ATR: variants seen among roughly 807,000 people sequenced by gnomAD.
ATR encodes ATR checkpoint kinase.
A neutral mutation model predicts 305.3 loss-of-function variants in ATR; 142 were observed. That is an observed-to-expected ratio of 0.47 (90% CI 0.41 to 0.53). ATR has a LOEUF of 0.53. Among genes scored for constraint, ATR ranks in the 20% least tolerant of loss-of-function variants. The pLI is 0.00. For synonymous variants in ATR, 1,050 were observed against 1,068.1 expected (o/e 0.98, Z 0.33); for missense variants, 2,135 against 3,133.1 (o/e 0.68, Z 7.60).
At chr3:142,452,650 G>C (rs947230527) in intron 46 of ATR, 1 of 980,136 alleles carries the variant, frequency 1.0e-6, no homozygotes, top group African/African-American at 1.8e-5. Context: ...CTCCAGCCTG[G>C]ATGACAGAGC....
Position 142,512,273 on chromosome 3 carries a change from C to T in ATR, c.4839G>A (p.Lys1613=). ...KCPHSKSNRN[K]VDSMVSTVDY... is the part of the protein sequence containing the mutation. ...GTGATAACTCACCCATTGAGTCTAC[C>T]TTATTTCTGTTTGATTTGCTGTGTG... is the stretch of plus-strand genomic sequence containing the variant. Residue 1613 remains lysine (K), a synonymous_variant, in exon 27 of 47, where the codon AAG becomes AAA. Coordinates refer to ENST00000350721, the MANE Select transcript of ATR (RefSeq NM_001184.4). 2.5e-6 allele frequency: 4 copies of T among 1,606,966 alleles called. No individual in the cohort carries two copies. Among genetic ancestry groups the T allele is most frequent in the Non-Finnish European group, 3.4e-6 (4 of 1,176,094 alleles).
In ATR at chr3:142,496,407, C is replaced by G. The variant is rs745882886; in HGVS notation, c.5852G>C (p.Arg1951Pro). 8.1e-6 allele frequency: 13 copies of G among 1,600,624 alleles called. No individual in the cohort carries two copies. In the African/African-American group the frequency reaches 1.5e-4, roughly 19 times the overall value. Residue 1951 changes from arginine (R) to proline (P), a missense_variant, in exon 34 of 47, where the codon CGA becomes CCA. By Grantham distance (103) the Arg-to-Pro change is moderately radical. This residue lies in a region of ATR where 462 missense variants were observed against 887.6 expected (regional missense o/e 0.52). Coordinates refer to ENST00000350721, the MANE Select transcript of ATR (RefSeq NM_001184.4). ...CCTTTCCACGTACAGTTCAGCGAGT[C>G]GTGATTCCCCTGCATTAAGGAGAGC... ...YNALLNAGES[R>P]LAELYVERAK...
intron 46 of ATR, chr3:142,450,506 G>T: frequency 1.2e-6 from 2 of 1,604,342 alleles, no homozygotes; most frequent in Non-Finnish European, 1.7e-6. Context: ...CAGGATCCTT[G>T]TGAGGCTATT....
rs368150351 is a variant in ATR, at chr3:142,568,613, C to T, written c.60-459G>A. Reference sequence around the variant, plus strand: ...CCTTCCGAGTTGCAGGGTCGGGAGCCCAGCCATCCTGGGTGCAGCTGCAGC... The same window carrying T: ...CCTTCCGAGTTGCAGGGTCGGGAGCTCAGCCATCCTGGGTGCAGCTGCAGC... On this transcript the variant is annotated intron_variant, in intron 1 of 46. Transcript: ENST00000350721. Among the ~76,000 whole-genome samples the T allele has an allele frequency of 4.6e-5, 7 of 152,316 alleles. No homozygotes were observed. In the South Asian group the frequency reaches 1.4e-3, roughly 32 times the overall value.
intron 36 of ATR, among the ~76,000 whole-genome samples, chr3:142,471,739 T>C (rs937761150): frequency 4.6e-5 from 7 of 152,206 alleles, no homozygotes; most frequent in African/African-American, 1.4e-4. Context: ...CATATTTATT[T>C]TGTTGTGGAA....
intron 24 of ATR, 94 bp from the exon 25 acceptor site, chr3:142,515,609 A>G (rs539998929): frequency 4.4e-6 from 6 of 1,349,434 alleles, no homozygotes; most frequent in African/African-American, 2.9e-5. Flanking sequence ...CTACCTCAGT[A>G]CTGCCTTGCC....
At chr3:142,456,726 A>G (rs1237485705) in intron 45 of ATR, among the ~76,000 whole-genome samples, 2 of 152,240 alleles carry the variant, frequency 1.3e-5, no homozygotes, top group African/African-American at 2.4e-5. Context: ...TAAAACCACA[A>G]TGAGATACAA....
At chr3:142,560,221 T>C (rs771051445) in intron 6 of ATR, 42 bp downstream of exon 6, 4 of 1,578,110 alleles carry the variant, frequency 2.5e-6, no homozygotes, top group Non-Finnish European at 3.5e-6. Flanking sequence ...TCCAAGTTCA[T>C]TACAGGAAAC....
rs371228162 is a variant in ATR at position 142,547,921 on chromosome 3, G to A, written c.3172-11C>T. Reference sequence around the variant, plus strand: ...AATTTCTGTTTCATTCTAACCCAAAGACATGTTAAAAAAAATTTTTTTCTT... The same window carrying A: ...AATTTCTGTTTCATTCTAACCCAAAAACATGTTAAAAAAAATTTTTTTCTT... On this transcript the variant is annotated splice_polypyrimidine_tract_variant and intron_variant, in intron 15 of 46. Transcript: ENST00000350721. 1 of 1,613,276 alleles carries A rather than the reference G, an allele frequency of 6.2e-7. No homozygotes were observed. The highest frequency in any genetic ancestry group is 8.5e-7 in the Non-Finnish European group (1 of 1,179,704).
intron 21 of ATR, among the ~76,000 whole-genome samples, chr3:142,527,436 T>A (rs1239947066): frequency 6.6e-6 from 1 of 152,204 alleles, no homozygotes; most frequent in Non-Finnish European, 1.5e-5. Flanking sequence ...CTAGAGTTCA[T>A]TTTGATACAC....
At chr3:142,454,287 A>G (rs564065731) in intron 45 of ATR, among the ~76,000 whole-genome samples, 3 of 152,288 alleles carry the variant, frequency 2.0e-5, no homozygotes, top group African/African-American at 7.2e-5. Flanking sequence ...GGTCTCAACT[A>G]CTTCCTCCAG....
At chr3:142,487,649 ATCCT>A (rs2031026186) in intron 35 of ATR, among the ~76,000 whole-genome samples, 1 of 152,224 alleles carries the variant, frequency 6.6e-6, no homozygotes, top group Non-Finnish European at 1.5e-5. Flanking sequence ...TCTTGTGTTT[ATCCT>A]CTGGGGACAT....
rs2034403921 is a variant in ATR at position 142,549,662 on chromosome 3, T to G, written c.2988A>C (p.Gln996His). The G allele has an allele frequency of 6.2e-7, 1 of 1,613,618 alleles. No individual in the cohort carries two copies. Among genetic ancestry groups the G allele is most frequent in the Non-Finnish European group, 8.5e-7 (1 of 1,179,782 alleles). Residue 996 changes from glutamine (Q) to histidine (H), a missense_variant, in exon 15 of 47, where the codon CAA becomes CAC. Coordinates refer to ENST00000350721, the MANE Select transcript of ATR (RefSeq NM_001184.4). ...TGGCAGCAAGATCAGGTAGTAGAACTTGTAATGTCCTCTGAAAAAGAATGC... is the reference window on the plus strand; with the variant it reads ...TGGCAGCAAGATCAGGTAGTAGAACGTGTAATGTCCTCTGAAAAAGAATGC... ...DLNRFLTRTL[Q>H]VLLPDLAAKA...
chr3:142,497,147 G>GAA lies in ATR; in HGVS notation c.5602_5603dup (p.Gln1869SerfsTer14). 6.2e-7 allele frequency: 1 copy of GAA among 1,614,038 alleles called. No homozygotes were observed. ...GAGAACTGTCACCTGGAGAATGCTG[G>GAA]AAAAGTGGTTTGATGCTATGCTCCA... On this transcript the variant is annotated frameshift_variant, in exon 33 of 47. Coordinates refer to ENST00000350721, the MANE Select transcript of ATR (RefSeq NM_001184.4). LOFTEE classifies it high-confidence loss of function.
chr3:142,545,213 A>G (rs189667791), intron 16 of ATR, among the ~76,000 whole-genome samples: 1 of 152,150 alleles, frequency 6.6e-6, no homozygotes, highest in East Asian at 1.9e-4. Flanking sequence ...GGAAGACACT[A>G]AATAAGTAGT....
chr3:142,520,518 A>G (rs2033102546), intron 23 of ATR, among the ~76,000 whole-genome samples: 1 of 152,228 alleles, frequency 6.6e-6, no homozygotes, highest in Non-Finnish European at 1.5e-5. Context: ...AATATAAGAA[A>G]GAGAAACAGT....
chr3:142,503,293 C>G (rs1033322207), intron 30 of ATR, 69 bp downstream of exon 30: 1 of 1,077,962 alleles, frequency 9.3e-7, no homozygotes, highest in African/African-American at 1.6e-5. Context: ...ATTAAATTAC[C>G]CAATTCACTA....
rs1327259679 is a variant in ATR, at chr3:142,523,418, C to CA, written c.4152+574dup. Among the ~76,000 whole-genome samples the CA allele has an allele frequency of 3.4e-4, 51 of 149,708 alleles. No individual in the cohort carries two copies. The East Asian group carries it at 4.1e-3, about 12-fold the overall frequency. On this transcript the variant is annotated intron_variant, in intron 22 of 46. Coordinates refer to ENST00000350721, the MANE Select transcript of ATR (RefSeq NM_001184.4). ...CTGGGTGACAGAGCGAGACTCCGTC[C>CA]AAAAAAAAACACAAAATGTATACAT...
rs34502778 is a variant in ATR at position 142,498,815 on chromosome 3, G to A, written c.5381-41C>T. On this transcript the variant is annotated intron_variant, in intron 31 of 46. Transcript: ENST00000350721. ...AGAGTCAAGAAATGTCACGGTAGCT[G>A]GGTCCAAGAGTCAGCTTTATTTCAT... 11,936 of 1,590,162 alleles carry A rather than the reference G, an allele frequency of 7.5e-3. 786 individuals are homozygous for A. The African/African-American group carries it at 0.14, about 19-fold the overall frequency.
Sources: gnomAD v4.1 joint callset for allele counts (sites outside exome capture counted in the v4.1 genomes callset) on GRCh38, gnomAD v4.1.1 for gene constraint, gnomAD v4.1.1 regional missense constraint, MANE v1.5 for transcripts, NCBI Gene and HGNC (gene_info 2026-07-23, HGNC 2026-07-21) for gene names.